ARHGAP25: variants seen among roughly 807,000 people sequenced by gnomAD.
The protein encoded by ARHGAP25 is rho GTPase-activating protein 25.
In ARHGAP25, 34 loss-of-function variants were observed where a neutral mutation model predicts 71.0. That is an observed-to-expected ratio of 0.48 (90% CI 0.36 to 0.64). The LOEUF is 0.64. Among genes scored for constraint, ARHGAP25 ranks in the 30% least tolerant of loss-of-function variants. ARHGAP25 has a pLI of 0.00. For synonymous variants in ARHGAP25, 282 were observed against 296.5 expected (o/e 0.95, Z 0.50); for missense variants, 706 against 805.1 (o/e 0.88, Z 1.49).
intron 1 of ARHGAP25, among the ~76,000 whole-genome samples, chr2:68,738,815 T>A (rs1253723968): frequency 2.1e-5 from 3 of 144,198 alleles, no homozygotes; most frequent in Non-Finnish European, 4.6e-5. Flanking sequence ...AGCAAGACTC[T>A]GTCTCAAGAA....
intron 1 of ARHGAP25, chr2:68,774,787 G>A (rs935425076): frequency 1.9e-6 from 2 of 1,063,080 alleles, no homozygotes; most frequent in Non-Finnish European, 2.3e-6. Flanking sequence ...CTCTGCAGCT[G>A]CGTGGGACTC....
chr2:68,770,169 G>C (rs1677393070), intron 1 of ARHGAP25, among the ~76,000 whole-genome samples: 1 of 152,140 alleles, frequency 6.6e-6, no homozygotes, highest in Non-Finnish European at 1.5e-5. Context: ...TTAGCCAGAG[G>C]AATGGTAGAG....
At chr2:68,770,698 G>A (rs886096312) in intron 1 of ARHGAP25, among the ~76,000 whole-genome samples, 4 of 152,054 alleles carry the variant, frequency 2.6e-5, no homozygotes. Flanking sequence ...TCTCACACCT[G>A]CAGACTAAAA....
At chr2:68,789,211 AT>A (rs1005993170) in intron 4 of ARHGAP25, among the ~76,000 whole-genome samples, 1 of 150,586 alleles carries the variant, frequency 6.6e-6, no homozygotes, top group African/African-American at 2.4e-5. Flanking sequence ...CTTTTTTTGT[AT>A]TTTTTTTAGT....
intron 2 of ARHGAP25, among the ~76,000 whole-genome samples, chr2:68,778,219 T>A (rs1417260329): frequency 6.6e-6 from 1 of 152,202 alleles, no homozygotes; most frequent in African/African-American, 2.4e-5. Flanking sequence ...AGGCTACATT[T>A]ATATATCTAT....
chr2:68,824,553 T>C (rs113466660), intron 10 of ARHGAP25, among the ~76,000 whole-genome samples: 1,651 of 152,294 alleles, frequency 0.011, 19 homozygotes, highest in Non-Finnish European at 0.016. Context: ...CCATCCTGGC[T>C]AACACGGTGA....
intron 2 of ARHGAP25, among the ~76,000 whole-genome samples, chr2:68,778,725 A>C (rs1369600021): frequency 6.6e-6 from 1 of 152,216 alleles, no homozygotes; most frequent in Non-Finnish European, 1.5e-5. Flanking sequence ...TGGGTCTACG[A>C]AGTTCCAAAA....
chr2:68,782,456 G>T, intron 3 of ARHGAP25, 136 bp downstream of exon 3: 1 of 705,496 alleles, frequency 1.4e-6, no homozygotes, highest in South Asian at 1.8e-5. Context: ...AGCCCACAAT[G>T]GTTCTTTATA....
chr2:68,775,063 G>A lies in ARHGAP25; in HGVS notation c.62-158G>A, dbSNP rs558688576. 123 of 1,532,384 alleles carry A rather than the reference G, an allele frequency of 8.0e-5. No individual in the cohort carries two copies. The African/African-American group carries it at 1.5e-3, about 19-fold the overall frequency. The allele number at this position is 1,532,384 out of a possible 1,614,324, so 94.9% of individuals were successfully genotyped here. ...CCCTCGGCTGCTTCTCTGGCTCGGG[G>A]GGGACTTTCTCTGGCTCAGATCCGG... On this transcript the variant is annotated intron_variant, in intron 1 of 10. Transcript: ENST00000409202.
At chr2:68,821,971 T>A (rs1681716716) in intron 9 of ARHGAP25, among the ~76,000 whole-genome samples, 1 of 151,570 alleles carries the variant, frequency 6.6e-6, no homozygotes, top group African/African-American at 2.4e-5. Context: ...TTATTTTTGT[T>A]CTTTTTAATT....
chr2:68,739,916 A>C (rs1333663303), intron 1 of ARHGAP25, among the ~76,000 whole-genome samples: 1 of 152,202 alleles, frequency 6.6e-6, no homozygotes, highest in African/African-American at 2.4e-5. Flanking sequence ...CAAAGAAAAA[A>C]AAAATGATAC....
chr2:68,778,877 A>G (rs1166337567), intron 2 of ARHGAP25, among the ~76,000 whole-genome samples: 1 of 152,226 alleles, frequency 6.6e-6, no homozygotes, highest in East Asian at 1.9e-4. Context: ...GGCCCTACAC[A>G]AGGCAGTCTG....
intron 5 of ARHGAP25, among the ~76,000 whole-genome samples, 156 bp downstream of exon 5, chr2:68,807,636 G>T (rs768976811): frequency 6.6e-6 from 1 of 152,184 alleles, no homozygotes. Context: ...CCCATGATTG[G>T]GAATTTGGGA....
chr2:68,821,911 T>G (rs1681706095), intron 9 of ARHGAP25, among the ~76,000 whole-genome samples: 2 of 148,326 alleles, frequency 1.3e-5, no homozygotes, highest in African/African-American at 5.0e-5. Flanking sequence ...TGCTAGTTTT[T>G]TTTTTTTTTT....
chr2:68,753,949 C>G (rs1007956803), intron 1 of ARHGAP25, among the ~76,000 whole-genome samples: 6 of 149,462 alleles, frequency 4.0e-5, no homozygotes, highest in Non-Finnish European at 5.9e-5. Context: ...GTCACCCAGG[C>G]TGGAGAGCAG....
At chr2:68,778,528 A>C (rs759649111) in intron 2 of ARHGAP25, among the ~76,000 whole-genome samples, 1 of 152,240 alleles carries the variant, frequency 6.6e-6, no homozygotes, top group Non-Finnish European at 1.5e-5. Context: ...AAAAGAATGC[A>C]CACAAACATC....
upstream of ARHGAP25, among the ~76,000 whole-genome samples, chr2:68,732,986 A>C (rs990671343): frequency 1.3e-5 from 2 of 152,216 alleles, no homozygotes; most frequent in Non-Finnish European, 2.9e-5. Flanking sequence ...GGAAATACAC[A>C]TTGGAATCAT....
chr2:68,792,559 G>A (rs1157952708), intron 4 of ARHGAP25, among the ~76,000 whole-genome samples: 14 of 152,056 alleles, frequency 9.2e-5, no homozygotes, highest in Admixed American at 8.5e-4. Context: ...TAGTTCTATC[G>A]ATGTTGCTGC....
At chr2:68,812,606 C>G (rs1255133092) in intron 5 of ARHGAP25, among the ~76,000 whole-genome samples, 1 of 152,236 alleles carries the variant, frequency 6.6e-6, no homozygotes, top group Non-Finnish European at 1.5e-5. Flanking sequence ...TCCATAGGAT[C>G]CTGGGTCCTG....
Sources: gnomAD v4.1 joint callset for allele counts (sites outside exome capture counted in the v4.1 genomes callset) on GRCh38, gnomAD v4.1.1 for gene constraint, MANE v1.5 for transcripts, NCBI Gene and HGNC (gene_info 2026-07-23, HGNC 2026-07-21) for gene names.